ACTR3C: variants seen among roughly 807,000 people sequenced by gnomAD.
ACTR3C encodes actin-related protein 3C.
A neutral mutation model predicts 26.3 loss-of-function variants in ACTR3C; 18 were observed. The observed-to-expected ratio is 0.68, with a 90% CI of 0.47 to 1.01. ACTR3C has a LOEUF of 1.01. ACTR3C is among the 50% of genes least tolerant of loss of function. The pLI is 0.00. For missense variants in ACTR3C, 184 were observed against 250.7 expected, an observed-to-expected ratio of 0.73 and a Z score of 1.80; for synonymous variants, 55 against 94.5, an observed-to-expected ratio of 0.58 and a Z score of 2.42.
At chr7:150,264,079 C>T (rs1833850835) in intron 6 of ACTR3C, among the ~76,000 whole-genome samples, 1 of 152,186 alleles carries the variant, frequency 6.6e-6, no homozygotes. Context: ...CACACCACCC[C>T]ACGAGTAGGC....
At chr7:150,140,836 TA>T in the ACTR3C span, among the ~76,000 whole-genome samples, 1 of 152,256 alleles carries the variant, frequency 6.6e-6, no homozygotes, top group African/African-American at 2.4e-5. Flanking sequence ...GGCTGAAAGC[TA>T]GGCCTCTTGC....
At chr7:150,050,776 A>C in the ACTR3C span, among the ~76,000 whole-genome samples, 5,125 of 125,378 alleles carry the variant, frequency 0.041, 220 homozygotes, top group African/African-American at 0.12. Context: ...TACTCTTGCA[A>C]CTTGCACACT....
the ACTR3C span, among the ~76,000 whole-genome samples, chr7:150,185,276 C>CTT: frequency 2.1e-5 from 3 of 140,878 alleles, no homozygotes; most frequent in South Asian, 2.3e-4. Flanking sequence ...AAATGTCAGG[C>CTT]GTGTGTGTGT....
the ACTR3C span, among the ~76,000 whole-genome samples, chr7:149,958,787 C>T: frequency 6.6e-6 from 1 of 152,108 alleles, no homozygotes; most frequent in Non-Finnish European, 1.5e-5. Context: ...ACCTCGTTTG[C>T]AAAGAAGAGG....
the ACTR3C span, among the ~76,000 whole-genome samples, chr7:150,234,104 G>C: frequency 6.6e-6 from 1 of 152,252 alleles, no homozygotes; most frequent in East Asian, 1.9e-4. Context: ...CCTCCACAGA[G>C]AGTCTGTGTT....
At chr7:149,961,574 A>T in the ACTR3C span, among the ~76,000 whole-genome samples, 1 of 151,966 alleles carries the variant, frequency 6.6e-6, no homozygotes. Context: ...GCTTACAGGA[A>T]GTGCATAGAT....
the ACTR3C span, among the ~76,000 whole-genome samples, chr7:149,912,869 A>T: frequency 6.6e-6 from 1 of 152,076 alleles, no homozygotes; most frequent in Non-Finnish European, 1.5e-5. Context: ...CGTTATTTTT[A>T]AAAACACTGG....
the ACTR3C span, among the ~76,000 whole-genome samples, chr7:149,966,833 CTA>C: frequency 1.3e-5 from 2 of 151,438 alleles, no homozygotes; most frequent in African/African-American, 2.4e-5. Flanking sequence ...TTGAATTTGT[CTA>C]TGTTTTCTTT....
At chr7:150,239,647 T>A (rs1247160357), downstream of ACTR3C, among the ~76,000 whole-genome samples, 2 of 148,500 alleles carry the variant, frequency 1.3e-5, no homozygotes, top group South Asian at 4.2e-4. Flanking sequence ...GCTCTTTTTA[T>A]TGACATGGGT....
At chr7:150,303,185 T>C (rs1795561174) in intron 1 of ACTR3C, among the ~76,000 whole-genome samples, 1 of 152,158 alleles carries the variant, frequency 6.6e-6, no homozygotes, top group African/African-American at 2.4e-5. Context: ...AGCTGGAGAA[T>C]GGTTGCCAGG....
the ACTR3C span, among the ~76,000 whole-genome samples, chr7:150,145,412 G>A: frequency 6.6e-6 from 1 of 151,924 alleles, no homozygotes; most frequent in African/African-American, 2.4e-5. Context: ...GGAAAAAGAA[G>A]CATCTTTCCT....
chr7:150,043,453 T>C, the ACTR3C span, among the ~76,000 whole-genome samples: 2 of 152,224 alleles, frequency 1.3e-5, no homozygotes, highest in Non-Finnish European at 2.9e-5. Flanking sequence ...TTTTGCTTCT[T>C]GTACTAGCTG....
chr7:149,882,132 G>A, the ACTR3C span: 23 of 152,500 alleles, frequency 1.5e-4, no homozygotes, highest in East Asian at 2.5e-3. Flanking sequence ...AGTTCCTGCC[G>A]CTGCACCTCT....
the ACTR3C span, among the ~76,000 whole-genome samples, chr7:149,893,918 A>C: frequency 6.6e-6 from 1 of 152,210 alleles, no homozygotes; most frequent in Non-Finnish European, 1.5e-5. Context: ...TCCTTCACAG[A>C]AATAGAAAAA....
At chr7:149,892,263 C>T in the ACTR3C span, 146 of 1,484,988 alleles carry the variant, frequency 9.8e-5, no homozygotes, top group Middle Eastern at 3.6e-4. Flanking sequence ...AGACACCTGT[C>T]GGAAATTTAC....
chr7:150,263,723 GC>G (rs1833824166), intron 6 of ACTR3C, among the ~76,000 whole-genome samples: 1 of 152,142 alleles, frequency 6.6e-6, no homozygotes, highest in South Asian at 2.1e-4. Flanking sequence ...AACAGTCTTT[GC>G]CTTTCAGAGG....
At chr7:150,041,874 G>A in the ACTR3C span, among the ~76,000 whole-genome samples, 2 of 144,450 alleles carry the variant, frequency 1.4e-5, no homozygotes, top group African/African-American at 5.2e-5. Flanking sequence ...TCTCGTGAGG[G>A]TTGCCTCCCC....
downstream of ACTR3C, among the ~76,000 whole-genome samples, chr7:150,241,279 G>A (rs1174735258): frequency 1.3e-5 from 2 of 152,098 alleles, no homozygotes; most frequent in Admixed American, 6.5e-5. Context: ...TAAAGGCCCT[G>A]TGGTATTGGT....
At chr7:150,100,088 T>C in the ACTR3C span, among the ~76,000 whole-genome samples, 1 of 151,676 alleles carries the variant, frequency 6.6e-6, no homozygotes, top group Non-Finnish European at 1.5e-5. Flanking sequence ...TCTTCTGATA[T>C]AGAGACTGGA....
Sources: allele counts gnomAD v4.1 joint callset (sites outside exome capture counted in the v4.1 genomes callset), GRCh38; gene constraint gnomAD v4.1.1; transcripts MANE v1.5; gene names NCBI Gene and HGNC (gene_info 2026-07-23, HGNC 2026-07-21).